TENM4: variants seen among roughly 807,000 people sequenced by gnomAD.
TENM4 encodes the protein teneurin-4.
A neutral mutation model predicts 243.3 loss-of-function variants in TENM4; 82 were observed. That is an observed-to-expected ratio of 0.34 (90% CI 0.28 to 0.40). The LOEUF (loss-of-function observed/expected upper bound fraction) is 0.40. Ranked by LOEUF, TENM4 falls within the 10% of genes least tolerant of loss-of-function variation. The pLI, the probability that TENM4 is intolerant of heterozygous loss-of-function variation, is 1.00. For synonymous variants in TENM4, 1,412 were observed against 1,456.3 expected (o/e 0.97, Z 0.69); for missense variants, 3,138 against 3,673.3 (o/e 0.85, Z 3.77).
intron 3 of TENM4, among the ~76,000 whole-genome samples, chr11:79,164,312 GAT>G (rs1156571453): frequency 8.0e-6 from 1 of 124,332 alleles, no homozygotes; most frequent in African/African-American, 3.4e-5. Context: ...ATAGTATATA[GAT>G]ATACTAGTAT....
chr11:79,320,400 T>C (rs1454129561), intron 1 of TENM4, among the ~76,000 whole-genome samples: 1 of 152,198 alleles, frequency 6.6e-6, no homozygotes, highest in African/African-American at 2.4e-5. Flanking sequence ...AATCTTACTT[T>C]AAAATCAATC....
chr11:78,756,406 C>G (rs1396866024), intron 19 of TENM4: 1 of 222,530 alleles, frequency 4.5e-6, no homozygotes, highest in Non-Finnish European at 8.9e-6. Context: ...GCAGATGTAC[C>G]CACCCCCTGC....
chr11:78,659,027 T>C (rs2135624009), intron 33 of TENM4, among the ~76,000 whole-genome samples: 1 of 152,254 alleles, frequency 6.6e-6, no homozygotes, highest in South Asian at 2.1e-4. Context: ...CACCCTTCCA[T>C]TTAGAAACTG....
intron 6 of TENM4, among the ~76,000 whole-genome samples, chr11:78,942,258 C>T (rs981960909): frequency 5.5e-5 from 1 of 18,032 alleles, no homozygotes; most frequent in Admixed American, 7.6e-4. Context: ...ACAAAATACA[C>T]CAAAAAAAAA....
intron 2 of TENM4, among the ~76,000 whole-genome samples, chr11:79,251,045 A>G (rs971175505): frequency 1.5e-4 from 23 of 152,218 alleles, no homozygotes; most frequent in Admixed American, 7.2e-4. Context: ...AAAAGCAATT[A>G]AGAAACATTT....
chr11:78,973,313 T>G (rs573374499), intron 6 of TENM4, among the ~76,000 whole-genome samples: 14 of 152,372 alleles, frequency 9.2e-5, no homozygotes, highest in African/African-American at 3.1e-4. Flanking sequence ...AGGGTGCCAA[T>G]TTCTCCACAT....
rs1041067459 is a variant in TENM4, at chr11:78,676,510, A to G, written c.5261-123T>C. The G allele has an allele frequency of 3.9e-5, 24 of 622,534 alleles. No homozygotes were observed. The East Asian group carries it at 5.9e-4, about 15-fold the overall frequency. The allele number at this position is 622,534 out of a possible 1,614,324, so 38.6% of individuals were successfully genotyped here. The stretch of plus-strand genomic sequence containing the variant: ...TTCCTAACTATGAAAGCAATACATC[A>G]TCACTGAAGAAAGCGAGGAAAATAC... On this transcript the variant is annotated intron_variant, in intron 29 of 33. Transcript: ENST00000278550.
intron 3 of TENM4, among the ~76,000 whole-genome samples, chr11:79,186,635 A>G (rs1266637474): frequency 6.6e-6 from 1 of 152,220 alleles, no homozygotes; most frequent in African/African-American, 2.4e-5. Flanking sequence ...ATCACCCATG[A>G]GACAGGCAAT....
chr11:79,274,537 TA>T (rs1243672329), intron 2 of TENM4, among the ~76,000 whole-genome samples: 1 of 152,148 alleles, frequency 6.6e-6, no homozygotes, highest in Non-Finnish European at 1.5e-5. Context: ...GAAATCTTGG[TA>T]AAATGGTTAA....
At chr11:79,162,633 G>A (rs1862775604) in intron 3 of TENM4, among the ~76,000 whole-genome samples, 1 of 152,140 alleles carries the variant, frequency 6.6e-6, no homozygotes, top group South Asian at 2.1e-4. Flanking sequence ...GAGGAAACTA[G>A]GTCTGAGAGA....
chr11:79,188,901 T>A (rs1407679218), intron 3 of TENM4, among the ~76,000 whole-genome samples: 1 of 152,110 alleles, frequency 6.6e-6, no homozygotes, highest in South Asian at 2.1e-4. Flanking sequence ...CAAGCATGCA[T>A]AATAAACATT....
intron 12 of TENM4, among the ~76,000 whole-genome samples, chr11:78,847,696 T>G (rs1160160775): frequency 2.0e-5 from 3 of 152,212 alleles, no homozygotes; most frequent in African/African-American, 7.2e-5. Flanking sequence ...AAGGTTAATT[T>G]ATTACCAAGA....
intron 12 of TENM4, among the ~76,000 whole-genome samples, chr11:78,815,882 G>A (rs994370232): frequency 1.3e-5 from 2 of 152,256 alleles, no homozygotes; most frequent in Non-Finnish European, 2.9e-5. Flanking sequence ...TGCAAGGACT[G>A]GAACCCGAGC....
chr11:78,933,144 G>T (rs1488482433), intron 6 of TENM4, among the ~76,000 whole-genome samples: 1 of 152,142 alleles, frequency 6.6e-6, no homozygotes, highest in South Asian at 2.1e-4. Flanking sequence ...TGTGGAATAG[G>T]CTTCCTGGCT....
intron 19 of TENM4, chr11:78,756,517 G>C: frequency 2.5e-6 from 1 of 398,494 alleles, no homozygotes; most frequent in East Asian, 5.4e-5. Flanking sequence ...CTGCAAAGTG[G>C]GTATTGATCC....
At chr11:79,118,979 A>G (rs376775801) in intron 4 of TENM4, among the ~76,000 whole-genome samples, 3 of 151,984 alleles carry the variant, frequency 2.0e-5, no homozygotes, top group African/African-American at 7.3e-5. Context: ...AGGAATTGCC[A>G]TACTGTTTTT....
chr11:78,708,235 C>G (rs756777714), intron 27 of TENM4, 126 bp downstream of exon 27: 2 of 1,282,382 alleles, frequency 1.6e-6, no homozygotes, highest in Non-Finnish European at 2.2e-6. Flanking sequence ...TCATCACAGC[C>G]TGGCACCAAG....
rs534321887 is a variant in TENM4 at position 79,055,201 on chromosome 11, T to C, written c.493+9537A>G. On this transcript the variant is annotated intron_variant, in intron 6 of 33. Transcript: ENST00000278550. ...CTTATCTTCTATGTGCCATACACTT[T>C]ATTCTGCTTCTCTCTATTCTATCTA... Among the ~76,000 whole-genome samples, 245 of 152,252 alleles carry C rather than the reference T, an allele frequency of 1.6e-3. 6 individuals are homozygous for C. The South Asian group carries it at 0.045, about 28-fold the overall frequency.
intron 18 of TENM4, among the ~76,000 whole-genome samples, chr11:78,763,729 C>T (rs1285263517): frequency 6.6e-6 from 1 of 152,236 alleles, no homozygotes; most frequent in African/African-American, 2.4e-5. Context: ...ACCTTGGGCA[C>T]ACCCTTCCTA....
Sources: allele counts gnomAD v4.1 joint callset (sites outside exome capture counted in the v4.1 genomes callset), GRCh38; gene constraint gnomAD v4.1.1; transcripts MANE v1.5; gene names NCBI Gene and HGNC (gene_info 2026-07-23, HGNC 2026-07-21).